Variants in HOOK1 observed in about 807,000 individuals in gnomAD.
The protein encoded by HOOK1 is protein Hook homolog 1.
In HOOK1, 60 loss-of-function variants were observed where a neutral mutation model predicts 112.8. That is an observed-to-expected ratio of 0.53 (90% CI 0.43 to 0.66). The LOEUF is 0.66. Among genes scored for constraint, HOOK1 ranks in the 30% least tolerant of loss-of-function variants. HOOK1 has a pLI of 0.00. For synonymous variants in HOOK1, 294 were observed against 283.8 expected (o/e 1.04, Z -0.36); for missense variants, 770 against 856.0 (o/e 0.90, Z 1.25).
intron 1 of HOOK1, chr1:59,815,406 G>C (rs965167423): frequency 5.2e-6 from 3 of 576,124 alleles, no homozygotes; most frequent in Middle Eastern, 4.6e-4. Flanking sequence ...CTCTGGGAGC[G>C]TAACAGTGGA....
At chr1:59,835,735 A>G (rs937839629) in intron 6 of HOOK1, among the ~76,000 whole-genome samples, 1 of 151,916 alleles carries the variant, frequency 6.6e-6, no homozygotes, top group Non-Finnish European at 1.5e-5. Context: ...GGGCAGGGGG[A>G]AGGTTTTGGG....
chr1:59,835,534 C>G (rs1053204138), intron 6 of HOOK1, 122 bp downstream of exon 6: 1 of 608,168 alleles, frequency 1.6e-6, no homozygotes, highest in East Asian at 2.9e-5. Context: ...TTCCCCTTAG[C>G]TAGTGGGTCT....
At position 59,843,476 on chromosome 1, in the gene HOOK1, T is replaced by G. The variant is rs756899945; in HGVS notation, c.666T>G (p.Asn222Lys). Residue 222 changes from asparagine to lysine, a missense_variant, in exon 9 of 22, where the codon AAT becomes AAG. By Grantham distance (94) the Asn-to-Lys change is moderately conservative. This residue lies in a region of HOOK1 where 655 missense variants were observed against 725.9 expected (regional missense o/e 0.90). Transcript: ENST00000371208. Reference sequence around the variant, plus strand: ...AAAAGAATTCACTGGTTTCTGAAAATGAGATGATGAATGAAAAACTTGACC... The same window carrying G: ...AAAAGAATTCACTGGTTTCTGAAAAGGAGATGATGAATGAAAAACTTGACC... Reference protein sequence around the residue: ...QDEKNSLVSENEMMNEKLDQL... With the variant: ...QDEKNSLVSEKEMMNEKLDQL... 6.2e-7 allele frequency: 1 copy of G among 1,610,824 alleles called. No homozygotes were observed. The highest frequency in any genetic ancestry group is 1.7e-5 in the Admixed American group (1 of 59,658).
At chr1:59,823,154 A>T (rs1188373801) in intron 2 of HOOK1, among the ~76,000 whole-genome samples, 1 of 152,142 alleles carries the variant, frequency 6.6e-6, no homozygotes, top group Non-Finnish European at 1.5e-5. Flanking sequence ...CCCCATCTCT[A>T]CTAAAAATAC....
chr1:59,839,985 A>G (rs527816011), intron 7 of HOOK1, among the ~76,000 whole-genome samples: 49 of 152,250 alleles, frequency 3.2e-4, no homozygotes, highest in Non-Finnish European at 6.0e-4. Flanking sequence ...TATGTGATGG[A>G]TTACATTTAT....
intron 1 of HOOK1, among the ~76,000 whole-genome samples, chr1:59,821,075 G>A (rs113583872): frequency 6.8e-4 from 104 of 152,318 alleles, no homozygotes; most frequent in Non-Finnish European, 1.4e-3. Flanking sequence ...TGAAATGGGT[G>A]AGTATGTGTG....
intron 7 of HOOK1, among the ~76,000 whole-genome samples, chr1:59,838,161 G>T (rs982046271): frequency 5.3e-5 from 8 of 152,168 alleles, no homozygotes; most frequent in Admixed American, 1.3e-4. Context: ...AAATACGTGT[G>T]CATTTGTCTT....
chr1:59,864,531 G>T, intron 16 of HOOK1, 101 bp from the exon 17 acceptor site: 2 of 702,590 alleles, frequency 2.8e-6, no homozygotes, highest in Non-Finnish European at 5.0e-6. Context: ...TTATAATTTT[G>T]CCTGGTACAC....
intron 12 of HOOK1, among the ~76,000 whole-genome samples, chr1:59,855,345 G>A (rs887369195): frequency 6.6e-6 from 1 of 152,100 alleles, no homozygotes; most frequent in African/African-American, 2.4e-5. Context: ...GTGTTCATGA[G>A]TTCTCATCAT....
rs200574937 is a variant in HOOK1 at position 59,849,143 on chromosome 1, G to A, written c.1202G>A (p.Arg401Gln). The change falls in exon 12 of 22, where the codon CGG becomes CAG. Residue 401 changes from arginine (R) to glutamine (Q), a missense_variant. Around this residue, in one of 3 missense-constraint regions of HOOK1, gnomAD observed 655 missense variants for 725.9 expected, o/e 0.90. Transcript: ENST00000371208. ...GACACACTAGCGTTTGAAATGAAGCGGCTTGAAGAAAAACATGAAGCTTTA... is the reference window on the plus strand; with the variant it reads ...GACACACTAGCGTTTGAAATGAAGCAGCTTGAAGAAAAACATGAAGCTTTA... ...RADTLAFEMK[R>Q]LEEKHEALLK... 39 of 1,608,866 alleles carry A rather than the reference G, an allele frequency of 2.4e-5. No individual in the cohort carries two copies. Among genetic ancestry groups the A allele is most frequent in the South Asian group, 1.3e-4 (12 of 90,694 alleles).
At chr1:59,867,560 T>G (rs1406448627) in intron 19 of HOOK1, among the ~76,000 whole-genome samples, 1 of 152,218 alleles carries the variant, frequency 6.6e-6, no homozygotes, top group Non-Finnish European at 1.5e-5. Flanking sequence ...TGTCCCTGTT[T>G]GAAATTTATG....
At chr1:59,856,659 C>T (rs2098410943) in intron 12 of HOOK1, among the ~76,000 whole-genome samples, 1 of 151,964 alleles carries the variant, frequency 6.6e-6, no homozygotes, top group East Asian at 1.9e-4. Flanking sequence ...CTGTAAAGCC[C>T]ACATTCTTTA....
chr1:59,843,390 T>G, intron 8 of HOOK1, 42 bp from the exon 9 acceptor site: 2 of 1,456,440 alleles, frequency 1.4e-6, no homozygotes, highest in Non-Finnish European at 1.9e-6. Flanking sequence ...ATTTTTTTGT[T>G]TTTTTTCTAC....
At chr1:59,823,515 A>G (rs865897857) in intron 2 of HOOK1, among the ~76,000 whole-genome samples, 7 of 152,274 alleles carry the variant, frequency 4.6e-5, no homozygotes, top group Non-Finnish European at 8.8e-5. Flanking sequence ...ATTGGTGTAG[A>G]TGCAGCAACA....
intron 10 of HOOK1, among the ~76,000 whole-genome samples, chr1:59,847,526 T>C (rs886154560): frequency 6.6e-6 from 1 of 151,656 alleles, no homozygotes; most frequent in Admixed American, 6.6e-5. Context: ...AAGGAAATTT[T>C]TGTGTAAGGA....
At chr1:59,815,256 G>A in intron 1 of HOOK1, 76 bp downstream of exon 1, 2 of 1,380,182 alleles carry the variant, frequency 1.4e-6, no homozygotes, top group African/African-American at 1.4e-5. Context: ...GTTCTCCCAG[G>A]TGAGCTGGGG....
intron 9 of HOOK1, 41 bp downstream of exon 9, chr1:59,843,639 A>G (rs1291943306): frequency 2.0e-6 from 3 of 1,495,440 alleles, no homozygotes; most frequent in Admixed American, 3.9e-5. Context: ...AGTTCTGTCT[A>G]TTATACCAGT....
chr1:59,874,866 G>A lies in HOOK1; in HGVS notation c.*1901G>A, dbSNP rs753352488. On this transcript the variant is annotated 3_prime_UTR_variant, in exon 22 of 22. Transcript: ENST00000371208. ...AATACAAGAATTTCGTACTGCATTT[G>A]CATCTCCGAGATTAGGGAGCACCTG... The A allele has an allele frequency of 6.6e-6, 1 of 152,434 alleles. No individual in the cohort carries two copies. Among genetic ancestry groups the A allele is most frequent in the Admixed American group, 6.6e-5 (1 of 15,258 alleles). The allele number at this position is 152,434 out of a possible 1,614,324, so 9.4% of individuals were successfully genotyped here. A position where few individuals can be genotyped will look rare whatever the true frequency, so the allele number is the denominator to read the frequency against.
At chr1:59,824,183 A>G (rs913997526) in intron 2 of HOOK1, among the ~76,000 whole-genome samples, 3 of 151,764 alleles carry the variant, frequency 2.0e-5, no homozygotes, top group Non-Finnish European at 4.4e-5. Context: ...GTCTTTGAAC[A>G]TTTCAAAGCA....
Sources: gnomAD v4.1 joint callset for allele counts (sites outside exome capture counted in the v4.1 genomes callset) on GRCh38, gnomAD v4.1.1 for gene constraint, gnomAD v4.1.1 regional missense constraint, MANE v1.5 for transcripts, NCBI Gene and HGNC (gene_info 2026-07-23, HGNC 2026-07-21) for gene names.